The following EPB41L5 variants were observed in gnomAD, a reference collection of about 807,000 sequenced individuals.
The protein encoded by EPB41L5 is erythrocyte membrane protein band 4.1 like 5, also known as band 4.1-like protein 5.
EPB41L5 carries 55 observed loss-of-function variants against 106.6 expected under a neutral mutation model. The ratio of observed to expected loss-of-function variants is 0.52; its 90% CI spans 0.42 to 0.65. EPB41L5 has a LOEUF of 0.65. Ranked by LOEUF, EPB41L5 falls within the 30% of genes least tolerant of loss-of-function variation. The probability of loss-of-function intolerance (pLI) is 0.00; values close to 1 mark genes in which losing one functional copy is unlikely to be tolerated. For synonymous variants in EPB41L5, 297 were observed against 306.7 expected, an observed-to-expected ratio of 0.97 and a Z score of 0.33; for missense variants, 871 against 882.1, an observed-to-expected ratio of 0.99 and a Z score of 0.16.
At chr2:120,023,085 T>C (rs1678052705) in intron 2 of EPB41L5, among the ~76,000 whole-genome samples, 1 of 152,214 alleles carries the variant, frequency 6.6e-6, no homozygotes, top group African/African-American at 2.4e-5. Flanking sequence ...ATATTAGCCC[T>C]TTGTCAGATA....
At chr2:120,104,445 A>T in intron 16 of EPB41L5, 2 of 1,322,632 alleles carry the variant, frequency 1.5e-6, no homozygotes, top group Non-Finnish European at 1.9e-6. Context: ...GATAATGACA[A>T]ATGTTTGTGT....
intron 5 of EPB41L5, 39 bp downstream of exon 5, chr2:120,074,217 A>G: frequency 2.0e-6 from 3 of 1,486,498 alleles, no homozygotes; most frequent in Non-Finnish European, 2.8e-6. Context: ...GGTTATTTTG[A>G]TAGTTTTGAA....
At chr2:120,081,303 A>T (rs1042867704) in intron 10 of EPB41L5, among the ~76,000 whole-genome samples, 2 of 152,102 alleles carry the variant, frequency 1.3e-5, no homozygotes, top group African/African-American at 4.8e-5. Flanking sequence ...TAAGGAAGGG[A>T]TCCAGTTTCA....
At chr2:120,049,862 G>A (rs1186038974) in intron 3 of EPB41L5, among the ~76,000 whole-genome samples, 1 of 152,114 alleles carries the variant, frequency 6.6e-6, no homozygotes, top group Non-Finnish European at 1.5e-5. Flanking sequence ...ATGCCTCGTG[G>A]TGACAAAATC....
At chr2:120,116,520 T>C (rs1280797857) in intron 16 of EPB41L5, among the ~76,000 whole-genome samples, 1 of 152,064 alleles carries the variant, frequency 6.6e-6, no homozygotes, top group Non-Finnish European at 1.5e-5. Context: ...AAAGTAATGA[T>C]GAATGGCGTT....
intron 14 of EPB41L5, among the ~76,000 whole-genome samples, chr2:120,095,327 G>T (rs1309144549): frequency 1.3e-5 from 2 of 151,980 alleles, no homozygotes; most frequent in Non-Finnish European, 2.9e-5. Context: ...TTTTCATATG[G>T]TTGCTTTTCC....
At chr2:120,100,915 A>G in intron 16 of EPB41L5, 101 bp downstream of exon 16, 1 of 741,010 alleles carries the variant, frequency 1.3e-6, no homozygotes, top group Non-Finnish European at 2.2e-6. Flanking sequence ...TTGAAAGCAA[A>G]TTATTCATAT....
At chr2:120,168,517 T>A (rs539581736) in intron 24 of EPB41L5, among the ~76,000 whole-genome samples, 1 of 152,316 alleles carries the variant, frequency 6.6e-6, no homozygotes, top group Admixed American at 6.5e-5. Flanking sequence ...CAGCATCTGG[T>A]TCTTCAACTT....
intron 14 of EPB41L5, among the ~76,000 whole-genome samples, chr2:120,097,221 A>G (rs922050955): frequency 6.6e-6 from 1 of 152,188 alleles, no homozygotes; most frequent in Non-Finnish European, 1.5e-5. Flanking sequence ...GCTTTTAGAA[A>G]TGAGATGTAG....
In EPB41L5 at chr2:120,075,623, A is replaced by G. The variant is rs569982067; in HGVS notation, c.453-78A>G. Reference sequence around the variant, plus strand: ...TGTAAAAAAGAAATGGTCAACATAAAACATGTATTATTTTCATTTGTCTTA... The same window carrying G: ...TGTAAAAAAGAAATGGTCAACATAAGACATGTATTATTTTCATTTGTCTTA... On this transcript the variant is annotated intron_variant, in intron 6 of 24. Coordinates refer to ENST00000263713, the MANE Select transcript of EPB41L5 (RefSeq NM_020909.4). 38 of 1,430,648 alleles carry G rather than the reference A, an allele frequency of 2.7e-5. No homozygotes were observed. In the East Asian group the frequency reaches 8.4e-4, roughly 32 times the overall value. The allele number at this position is 1,430,648 out of a possible 1,614,324, so 88.6% of individuals were successfully genotyped here.
Position 120,074,584 on chromosome 2 carries a change from T to C in EPB41L5, c.407+406T>C, listed in dbSNP as rs72954712. Among the ~76,000 whole-genome samples the C allele has an allele frequency of 4.4e-3, 676 of 152,304 alleles. 4 individuals carry two copies. Among genetic ancestry groups the C allele is most frequent in the African/African-American group, 0.015 (620 of 41,562 alleles). ...TACTCATTGAAATGCCATTGATTAA[T>C]GAAAAACATTAGATTCTGATTGGTT... On this transcript the variant is annotated intron_variant, in intron 5 of 24. Coordinates refer to ENST00000263713, the MANE Select transcript of EPB41L5 (RefSeq NM_020909.4).
chr2:120,161,817 C>CA (rs1300093435), intron 21 of EPB41L5, among the ~76,000 whole-genome samples: 1 of 152,132 alleles, frequency 6.6e-6, no homozygotes, highest in East Asian at 1.9e-4. Context: ...GTGAACTGTG[C>CA]ACACGAGGGA....
chr2:120,106,961 A>G (rs1222807884), intron 16 of EPB41L5: 2 of 900,848 alleles, frequency 2.2e-6, no homozygotes, highest in African/African-American at 3.6e-5. Flanking sequence ...TAGTATACAA[A>G]CACTAATATT....
chr2:120,062,412 T>A (rs2105286443), intron 3 of EPB41L5, among the ~76,000 whole-genome samples: 1 of 152,366 alleles, frequency 6.6e-6, no homozygotes, highest in Non-Finnish European at 1.5e-5. Context: ...TGATTGTTTA[T>A]AATTTATGGC....
chr2:120,074,639 A>G (rs1284882881), intron 5 of EPB41L5, among the ~76,000 whole-genome samples: 3 of 152,162 alleles, frequency 2.0e-5, no homozygotes, highest in African/African-American at 7.2e-5. Context: ...CTTATGTTGT[A>G]TATACTTATT....
chr2:120,073,835 A>G (rs573599628), intron 4 of EPB41L5, among the ~76,000 whole-genome samples: 62 of 152,306 alleles, frequency 4.1e-4, no homozygotes, highest in Admixed American at 3.1e-3. Context: ...TAGGTTGCAC[A>G]GTCAAGACTT....
intron 20 of EPB41L5, among the ~76,000 whole-genome samples, chr2:120,151,503 C>A (rs555056648): frequency 1.3e-5 from 2 of 151,694 alleles, no homozygotes; most frequent in East Asian, 3.9e-4. Flanking sequence ...ACCAAGGAGG[C>A]AAAAGACTTG....
At chr2:120,049,979 T>G (rs1680110745) in intron 3 of EPB41L5, among the ~76,000 whole-genome samples, 1 of 152,208 alleles carries the variant, frequency 6.6e-6, no homozygotes, top group Non-Finnish European at 1.5e-5. Flanking sequence ...TTTAAGAATG[T>G]TGAATATTGG....
intron 3 of EPB41L5, among the ~76,000 whole-genome samples, chr2:120,057,242 G>A (rs963159655): frequency 3.3e-5 from 5 of 152,132 alleles, no homozygotes; most frequent in African/African-American, 4.8e-5. Flanking sequence ...TAATGAATGA[G>A]GGATTGGGAT....
Sources: allele counts gnomAD v4.1 joint callset (sites outside exome capture counted in the v4.1 genomes callset), GRCh38; gene constraint gnomAD v4.1.1; transcripts MANE v1.5; gene names NCBI Gene and HGNC (gene_info 2026-07-23, HGNC 2026-07-21).